Variants in SH3RF1 observed in about 807,000 individuals in gnomAD.
SH3RF1 encodes the protein E3 ubiquitin-protein ligase SH3RF1.
In SH3RF1, 32 loss-of-function variants were observed where a neutral mutation model predicts 74.0. The observed-to-expected ratio is 0.43, with a 90% CI of 0.33 to 0.58. SH3RF1 has a LOEUF of 0.58. Ranked by LOEUF, SH3RF1 falls within the 20% of genes least tolerant of loss-of-function variation. SH3RF1 has a pLI of 0.05. For missense variants in SH3RF1, 954 were observed against 1,130.9 expected (o/e 0.84, Z 2.24); for synonymous variants, 396 against 439.6 (o/e 0.90, Z 1.24).
intron 2 of SH3RF1, among the ~76,000 whole-genome samples, chr4:169,176,979 G>A (rs1276832260): frequency 1.3e-5 from 2 of 152,120 alleles, no homozygotes; most frequent in Admixed American, 6.5e-5. Context: ...TGTTGCCCGG[G>A]TTGGTCTTGA....
chr4:169,190,640 C>T (rs1180175258), intron 2 of SH3RF1, among the ~76,000 whole-genome samples: 2 of 151,550 alleles, frequency 1.3e-5, no homozygotes, highest in Non-Finnish European at 2.9e-5. Context: ...TTCTACCAGA[C>T]ATTCAAAGAA....
intron 7 of SH3RF1, 42 bp downstream of exon 7, chr4:169,122,058 T>G: frequency 6.3e-7 from 1 of 1,599,436 alleles, no homozygotes; most frequent in Non-Finnish European, 8.6e-7. Context: ...GGACTTCGTT[T>G]AAATGAACAC....
chr4:169,211,248 C>T (rs1284476663), intron 2 of SH3RF1, among the ~76,000 whole-genome samples: 4 of 152,050 alleles, frequency 2.6e-5, no homozygotes, highest in Admixed American at 2.6e-4. Flanking sequence ...TTTGGGAGGC[C>T]AAGGCGGGCA....
In SH3RF1 at chr4:169,156,306, G is replaced by T. The variant is rs533205544; in HGVS notation, c.669+98C>A. ...ATAGTGAGTAGTTCACACAAAACTTGTATTTTTTTTTGCAAAAGGCAACAC... is the reference window on the plus strand; with the variant it reads ...ATAGTGAGTAGTTCACACAAAACTTTTATTTTTTTTTGCAAAAGGCAACAC... On this transcript the variant is annotated intron_variant, in intron 3 of 11. Coordinates refer to ENST00000284637, the MANE Select transcript of SH3RF1 (RefSeq NM_020870.4). 1.1e-4 allele frequency: 154 copies of T among 1,353,608 alleles called. No individual in the cohort carries two copies. In the African/African-American group the frequency reaches 2.4e-3, roughly 21 times the overall value. 83.8% of individuals were successfully genotyped at this position (1,353,608 alleles called of 1,614,324 possible). A position where few individuals can be genotyped will look rare whatever the true frequency, so the allele number is the denominator to read the frequency against.
chr4:169,126,179 G>T (rs1007786745), intron 6 of SH3RF1, among the ~76,000 whole-genome samples: 2 of 152,206 alleles, frequency 1.3e-5, no homozygotes, highest in African/African-American at 4.8e-5. Context: ...CTTTGTATTG[G>T]TGGCACCTAG....
chr4:169,136,639 A>T lies in SH3RF1; in HGVS notation c.766-19T>A. Reference sequence around the variant, plus strand: ...AGTTAAACTGCAAAAGCAACCAACAAACCAACACAAGAAGGTTAAACAATT... The same window carrying T: ...AGTTAAACTGCAAAAGCAACCAACATACCAACACAAGAAGGTTAAACAATT... On this transcript the variant is annotated intron_variant, in intron 4 of 11. Transcript: ENST00000284637. 6.8e-7 allele frequency: 1 copy of T among 1,478,856 alleles called. No individual in the cohort carries two copies. The highest frequency in any genetic ancestry group is 9.0e-7 in the Non-Finnish European group (1 of 1,112,654). 91.6% of individuals were successfully genotyped at this position (1,478,856 alleles called of 1,614,324 possible). A position where few individuals can be genotyped will look rare whatever the true frequency, so the allele number is the denominator to read the frequency against.
At chr4:169,254,591 G>A (rs1432397263) in intron 2 of SH3RF1, among the ~76,000 whole-genome samples, 2 of 152,148 alleles carry the variant, frequency 1.3e-5, no homozygotes, top group Non-Finnish European at 2.9e-5. Flanking sequence ...CTCGAGAGAT[G>A]GGGGAAACTG....
chr4:169,223,228 C>G (rs1730596982), intron 2 of SH3RF1, among the ~76,000 whole-genome samples: 1 of 152,162 alleles, frequency 6.6e-6, no homozygotes, highest in South Asian at 2.1e-4. Flanking sequence ...GGGATAGTAA[C>G]ATGCAATGGC....
At chr4:169,235,208 T>C (rs956922244) in intron 2 of SH3RF1, among the ~76,000 whole-genome samples, 3 of 152,194 alleles carry the variant, frequency 2.0e-5, no homozygotes, top group African/African-American at 7.2e-5. Flanking sequence ...TTTTAAACAC[T>C]AAACAGTACC....
At chr4:169,205,707 C>T (rs1384787394) in intron 2 of SH3RF1, among the ~76,000 whole-genome samples, 1 of 152,110 alleles carries the variant, frequency 6.6e-6, no homozygotes, top group Non-Finnish European at 1.5e-5. Context: ...TTTCTCTTTC[C>T]CTTTCTTGAA....
chr4:169,118,364 A>G (rs568811437), intron 8 of SH3RF1, among the ~76,000 whole-genome samples: 11 of 152,266 alleles, frequency 7.2e-5, no homozygotes, highest in Middle Eastern at 3.4e-3. Context: ...TTATGATTCT[A>G]TTGTTTCATG....
chr4:169,230,677 G>A (rs937225176), intron 2 of SH3RF1, among the ~76,000 whole-genome samples: 2 of 152,010 alleles, frequency 1.3e-5, no homozygotes, highest in African/African-American at 4.8e-5. Context: ...TGGCCAACAT[G>A]GTGAAACTCC....
At chr4:169,130,313 T>C (rs537617071) in intron 5 of SH3RF1, among the ~76,000 whole-genome samples, 157 bp from the exon 6 acceptor site, 1 of 152,248 alleles carries the variant, frequency 6.6e-6, no homozygotes, top group African/African-American at 2.4e-5. Context: ...TCAACCCAAA[T>C]TTACCAGTGA....
At chr4:169,266,405 A>G (rs1273059194) in intron 2 of SH3RF1, among the ~76,000 whole-genome samples, 1 of 152,192 alleles carries the variant, frequency 6.6e-6, no homozygotes, top group Non-Finnish European at 1.5e-5. Context: ...GATTTATTAC[A>G]GTCACTCACC....
chr4:169,116,722 G>A (rs1253788831), intron 9 of SH3RF1, 92 bp from the exon 10 acceptor site: 17 of 1,436,142 alleles, frequency 1.2e-5, no homozygotes, highest in Admixed American at 2.4e-5. Context: ...ATCAGACCAT[G>A]ATGAAAGGCT....
chr4:169,199,826 A>C (rs1734880464), intron 2 of SH3RF1, among the ~76,000 whole-genome samples: 2 of 152,212 alleles, frequency 1.3e-5, no homozygotes, highest in African/African-American at 4.8e-5. Flanking sequence ...CAGTAACAAC[A>C]TCAAACATTC....
intron 2 of SH3RF1, among the ~76,000 whole-genome samples, chr4:169,236,433 C>A (rs981934874): frequency 6.6e-6 from 1 of 152,126 alleles, no homozygotes; most frequent in Non-Finnish European, 1.5e-5. Flanking sequence ...GAGAAATAAG[C>A]CTTTGCTGTA....
intron 2 of SH3RF1, among the ~76,000 whole-genome samples, chr4:169,245,338 C>T (rs1019047408): frequency 4.6e-5 from 7 of 152,126 alleles, no homozygotes; most frequent in Admixed American, 1.3e-4. Context: ...ATGGAGAAAA[C>T]GTGAAATTTT....
At chr4:169,181,257 CTT>C (rs397878328) in intron 2 of SH3RF1, among the ~76,000 whole-genome samples, 15 of 103,374 alleles carry the variant, frequency 1.5e-4, no homozygotes, top group Admixed American at 4.6e-4. Context: ...TTGGGAAAGC[CTT>C]TTTTTTTTTT....
Sources: allele counts gnomAD v4.1 joint callset (sites outside exome capture counted in the v4.1 genomes callset), GRCh38; gene constraint gnomAD v4.1.1; transcripts MANE v1.5; gene names NCBI Gene and HGNC (gene_info 2026-07-23, HGNC 2026-07-21).